EYS: variants seen among roughly 807,000 people sequenced by gnomAD.
EYS encodes protein eyes shut homolog.
A neutral mutation model predicts 282.1 loss-of-function variants in EYS; 250 were observed. That is an observed-to-expected ratio of 0.89 (90% confidence interval 0.80 to 0.98). EYS has a LOEUF of 0.98. Ranked by LOEUF, EYS falls within the 50% of genes least tolerant of loss-of-function variation. The pLI is 0.00. For missense variants in EYS, 4,016 were observed against 3,709.0 expected (o/e 1.08, Z -2.15); for synonymous variants, 1,355 against 1,282.9 (o/e 1.06, Z -1.20).
intron 26 of EYS, among the ~76,000 whole-genome samples, chr6:64,470,954 G>A (rs1036911689): frequency 1.3e-5 from 2 of 152,096 alleles, no homozygotes; most frequent in Non-Finnish European, 2.9e-5. Flanking sequence ...GCTTCCAAGA[G>A]ACATAGACAT....
intron 28 of EYS, among the ~76,000 whole-genome samples, chr6:64,394,947 C>G (rs1400810238): frequency 2.0e-5 from 3 of 152,048 alleles, no homozygotes; most frequent in Non-Finnish European, 2.9e-5. Flanking sequence ...AAAAAACAAA[C>G]AACCCCATCA....
intron 29 of EYS, among the ~76,000 whole-genome samples, chr6:64,372,852 T>C (rs1164563498): frequency 6.6e-6 from 1 of 152,180 alleles, no homozygotes; most frequent in African/African-American, 2.4e-5. Context: ...GTTTGGTCAA[T>C]TCTGCTGTTA....
intron 26 of EYS, among the ~76,000 whole-genome samples, chr6:64,549,333 AAAG>A (rs1490382959): frequency 8.5e-5 from 13 of 152,234 alleles, no homozygotes; most frequent in African/African-American, 2.7e-4. Flanking sequence ...ATTATTTGTC[AAAG>A]AATGCAACTA....
In EYS at chr6:65,279,001, C is replaced by T. The variant is rs530476005; in HGVS notation, c.2023+16862G>A. Among the ~76,000 whole-genome samples, 12 of 152,058 alleles carry T rather than the reference C, an allele frequency of 7.9e-5. No individual in the cohort carries two copies. The South Asian group carries it at 2.5e-3, about 32-fold the overall frequency. On this transcript the variant is annotated intron_variant, in intron 12 of 42. Transcript: ENST00000503581. ...GTCAGGAGTTTGAGAACAGGCTGGC[C>T]ACCATGGCTAAACTCCATCTCTACT...
At chr6:65,053,383 A>G (rs1773328201) in intron 13 of EYS, among the ~76,000 whole-genome samples, 1 of 151,850 alleles carries the variant, frequency 6.6e-6, no homozygotes, top group African/African-American at 2.4e-5. Flanking sequence ...AAACTCATAA[A>G]GTTATGTATT....
chr6:65,285,681 A>T (rs985940565), intron 12 of EYS, among the ~76,000 whole-genome samples: 7 of 152,034 alleles, frequency 4.6e-5, no homozygotes, highest in African/African-American at 1.7e-4. Context: ...TATAAATTGT[A>T]TAGTGTCAAC....
chr6:64,288,961 C>T (rs1290582767), intron 30 of EYS, among the ~76,000 whole-genome samples: 1 of 152,068 alleles, frequency 6.6e-6, no homozygotes, highest in Non-Finnish European at 1.5e-5. Flanking sequence ...CAAAAAACCT[C>T]CTATCTGGTT....
rs189906365 is a variant in EYS, at chr6:64,870,412, C to T, written c.2992+16285G>A. On this transcript the variant is annotated intron_variant, in intron 19 of 42. Coordinates refer to ENST00000503581, the MANE Select transcript of EYS (RefSeq NM_001142800.2). ...TAAAAATAAACAAAAACAATTACCCCCCTCCTCCCCCCTCCAAAAAAAAAA... is the reference window on the plus strand; with the variant it reads ...TAAAAATAAACAAAAACAATTACCCTCCTCCTCCCCCCTCCAAAAAAAAAA... Among the ~76,000 whole-genome samples, 261 of 142,296 alleles carry T rather than the reference C, an allele frequency of 1.8e-3. 1 individual carries two copies. Among genetic ancestry groups the T allele is most frequent in the African/African-American group, 6.0e-3 (230 of 38,416 alleles). The allele number at this position is 142,296 out of a possible 152,430, so 93.4% of individuals were successfully genotyped here. A position where few individuals can be genotyped will look rare whatever the true frequency, so the allele number is the denominator to read the frequency against.
intron 22 of EYS, among the ~76,000 whole-genome samples, chr6:64,775,103 G>A (rs967049835): frequency 6.6e-6 from 1 of 151,898 alleles, no homozygotes. Context: ...ACAGCAGGAG[G>A]GGGTAACTGC....
At chr6:64,688,558 T>C (rs1770247015) in intron 22 of EYS, among the ~76,000 whole-genome samples, 1 of 152,140 alleles carries the variant, frequency 6.6e-6, no homozygotes, top group Non-Finnish European at 1.5e-5. Context: ...TAATCCTGAG[T>C]TCTAGTTTGA....
chr6:64,633,657 C>T (rs558309166), intron 22 of EYS, among the ~76,000 whole-genome samples: 1 of 151,970 alleles, frequency 6.6e-6, no homozygotes, highest in East Asian at 1.9e-4. Flanking sequence ...GAGCCTAAGC[C>T]CCCTTTTAAC....
chr6:63,962,519 T>A (rs1437240827), intron 35 of EYS, among the ~76,000 whole-genome samples: 1 of 152,192 alleles, frequency 6.6e-6, no homozygotes, highest in East Asian at 1.9e-4. Context: ...ATGCTCATCA[T>A]CACTGGCCAT....
At chr6:63,807,815 A>G (rs1478855994) in intron 36 of EYS, among the ~76,000 whole-genome samples, 2 of 152,208 alleles carry the variant, frequency 1.3e-5, no homozygotes, top group African/African-American at 4.8e-5. Flanking sequence ...ACTCTCAGGT[A>G]TATCACTTTC....
At chr6:64,300,675 T>G (rs1769202637) in intron 30 of EYS, among the ~76,000 whole-genome samples, 2 of 152,240 alleles carry the variant, frequency 1.3e-5, no homozygotes, top group African/African-American at 4.8e-5. Flanking sequence ...AGGTTTTGCA[T>G]GACCTACGTG....
chr6:65,434,607 C>G (rs1188591059), intron 5 of EYS, among the ~76,000 whole-genome samples: 1 of 152,132 alleles, frequency 6.6e-6, no homozygotes, highest in Non-Finnish European at 1.5e-5. Context: ...GCATGAGCCA[C>G]CGCGCCCGGC....
chr6:63,732,598 T>C (rs1308333939), intron 41 of EYS, among the ~76,000 whole-genome samples: 1 of 152,230 alleles, frequency 6.6e-6, no homozygotes, highest in African/African-American at 2.4e-5. Context: ...ATTTCTTGTA[T>C]GTCTATCAAC....
intron 21 of EYS, among the ~76,000 whole-genome samples, chr6:64,820,334 G>A (rs1355780451): frequency 6.6e-6 from 1 of 151,890 alleles, no homozygotes. Flanking sequence ...ATGTACGCAT[G>A]CATATATACA....
chr6:64,139,118 G>T (rs1482392912), intron 31 of EYS, among the ~76,000 whole-genome samples: 1 of 152,036 alleles, frequency 6.6e-6, no homozygotes, highest in Non-Finnish European at 1.5e-5. Context: ...GAAAAGAAAA[G>T]AATTTGAGAA....
chr6:65,262,380 C>G (rs866359775), intron 12 of EYS, among the ~76,000 whole-genome samples: 14 of 152,112 alleles, frequency 9.2e-5, no homozygotes, highest in African/African-American at 3.4e-4. Context: ...AAATGTATTA[C>G]TCAATATAAT....
Sources: allele counts gnomAD v4.1 joint callset (sites outside exome capture counted in the v4.1 genomes callset), GRCh38; gene constraint gnomAD v4.1.1; transcripts MANE v1.5; gene names NCBI Gene and HGNC (gene_info 2026-07-23, HGNC 2026-07-21).